The following FHL3 variants were observed in gnomAD, a reference collection of about 807,000 sequenced individuals.
FHL3 encodes the protein four and a half LIM domains 3, also known as four and a half LIM domains protein 3.
FHL3 carries 21 observed loss-of-function variants against 34.3 expected under a neutral mutation model. That is an observed-to-expected ratio of 0.61 (90% confidence interval 0.43 to 0.88). The LOEUF (loss-of-function observed/expected upper bound fraction) is 0.88, where lower values mean the gene tolerates loss of function less well. Among genes scored for constraint, FHL3 ranks in the 40% least tolerant of loss-of-function variants. The pLI, the probability that FHL3 is intolerant of heterozygous loss-of-function variation, is 0.00. For synonymous variants in FHL3, 137 were observed against 144.6 expected (o/e 0.95, Z 0.38); for missense variants, 333 against 373.7 (o/e 0.89, Z 0.90).
At chr1:38,002,260 G>A (rs534807845) in intron 1 of FHL3, among the ~76,000 whole-genome samples, 62 of 151,648 alleles carry the variant, frequency 4.1e-4, no homozygotes, top group Admixed American at 8.6e-4. Flanking sequence ...TACCACGCCC[G>A]GCTAATTTTT....
At chr1:38,000,903 C>T (rs574197691) in intron 1 of FHL3, among the ~76,000 whole-genome samples, 8 of 152,078 alleles carry the variant, frequency 5.3e-5, no homozygotes, top group Non-Finnish European at 1.2e-4. Flanking sequence ...CAAAGGAATC[C>T]ACCAACCCAC....
chr1:37,998,310 C>T (rs1313990565), intron 3 of FHL3, among the ~76,000 whole-genome samples, 178 bp from the exon 4 acceptor site: 29 of 152,144 alleles, frequency 1.9e-4, no homozygotes, highest in Non-Finnish European at 1.5e-5. Context: ...TCCCCAGACA[C>T]CGGACATGAT....
At chr1:38,004,609 A>AT (rs1419000864) in intron 1 of FHL3, among the ~76,000 whole-genome samples, 2 of 152,154 alleles carry the variant, frequency 1.3e-5, no homozygotes, top group Non-Finnish European at 2.9e-5. Context: ...CAGGGGGCCC[A>AT]TGCCTCTGTG....
intron 1 of FHL3, among the ~76,000 whole-genome samples, chr1:38,003,030 C>A (rs773702818): frequency 6.6e-6 from 1 of 151,824 alleles, no homozygotes; most frequent in Non-Finnish European, 1.5e-5. Flanking sequence ...TGGTGGCGGG[C>A]GCCTGTAAGC....
intron 1 of FHL3, among the ~76,000 whole-genome samples, chr1:38,002,930 G>A (rs544486813): frequency 2.0e-5 from 3 of 151,908 alleles, no homozygotes; most frequent in South Asian, 4.1e-4. Flanking sequence ...GGTTAAGGCC[G>A]GTGGATCACC....
chr1:38,002,626 C>T (rs368996938), intron 1 of FHL3, among the ~76,000 whole-genome samples: 37 of 149,714 alleles, frequency 2.5e-4, no homozygotes, highest in African/African-American at 8.6e-4. Context: ...CTGCAATCTC[C>T]ACCTCCCAGG....
intron 1 of FHL3, among the ~76,000 whole-genome samples, chr1:38,002,853 G>A (rs568579569): frequency 1.7e-4 from 26 of 150,750 alleles, no homozygotes; most frequent in African/African-American, 5.1e-4. Flanking sequence ...CATGGCTCAC[G>A]GCAGCCTCGA....
At chr1:38,000,654 C>T (rs974128604) in intron 1 of FHL3, among the ~76,000 whole-genome samples, 2 of 152,178 alleles carry the variant, frequency 1.3e-5, no homozygotes, top group Admixed American at 6.5e-5. Flanking sequence ...CACACAGCTG[C>T]CTCTGGAACA....
intron 3 of FHL3, among the ~76,000 whole-genome samples, chr1:37,998,416 A>G (rs1646557735): frequency 6.6e-6 from 1 of 152,180 alleles, no homozygotes; most frequent in African/African-American, 2.4e-5. Context: ...TGTAACAGTC[A>G]TGAAGTCTCA....
chr1:38,001,849 T>C (rs781083723), intron 1 of FHL3, among the ~76,000 whole-genome samples: 26 of 152,240 alleles, frequency 1.7e-4, no homozygotes, highest in Non-Finnish European at 3.8e-4. Context: ...TCCTGGCTCC[T>C]GCACTTACTG....
At chr1:37,998,637 C>T (rs373358090) in intron 3 of FHL3, 19 of 316,150 alleles carry the variant, frequency 6.0e-5, no homozygotes, top group African/African-American at 4.0e-4. Context: ...CAGGTCCCCA[C>T]ACATGTTAAG....
chr1:37,999,296 G>A lies in FHL3; in HGVS notation c.117C>T (p.Thr39=), dbSNP rs1267718346. 1.2e-6 allele frequency: 2 copies of A among 1,614,124 alleles called. No homozygotes were observed. Among genetic ancestry groups the A allele is most frequent in the Non-Finnish European group, 1.7e-6 (2 of 1,180,060 alleles). Residue 39 remains threonine (T), a synonymous_variant, in exon 2 of 6, where the codon ACC becomes ACT. Coordinates refer to ENST00000373016, the MANE Select transcript of FHL3 (RefSeq NM_004468.5). ...CGATAAGCTGCTGGCACTCAGCACAGGTGTTGGCAAAGGTATTGTCATAGC... is the reference window on the plus strand; with the variant it reads ...CGATAAGCTGCTGGCACTCAGCACAAGTGTTGGCAAAGGTATTGTCATAGC... ...VPCYDNTFAN[T]CAECQQLIGH... is the part of the protein sequence containing the mutation.
chr1:38,003,613 T>C lies in FHL3; in HGVS notation c.-21+1744A>G, dbSNP rs143275244. 5.3e-4 allele frequency among the ~76,000 whole-genome samples: 80 copies of C among 152,324 alleles called. 1 individual carries two copies. The highest frequency in any genetic ancestry group is 1.2e-3 in the Admixed American group (19 of 15,304). The stretch of plus-strand genomic sequence containing the variant: ...GCTGCTTTGCCACTCACAAAGTCCA[T>C]GCCCACCACAATCTCATCAGATCTC... On this transcript the variant is annotated intron_variant, in intron 1 of 5. Coordinates refer to ENST00000373016, the MANE Select transcript of FHL3 (RefSeq NM_004468.5).
chr1:37,998,103 T>C lies in FHL3; in HGVS notation c.361A>G (p.Thr121Ala), dbSNP rs1240970046. 1 of 1,614,084 alleles carries C rather than the reference T, an allele frequency of 6.2e-7. No homozygotes were observed. The highest frequency in any genetic ancestry group is 1.7e-5 in the Admixed American group (1 of 60,008). The change falls in exon 4 of 6, where the codon ACA becomes GCA. Residue 121 changes from threonine to alanine, a missense_variant. By Grantham distance (58) the Thr-to-Ala change is moderately conservative (BLOSUM62 0). Coordinates refer to ENST00000373016, the MANE Select transcript of FHL3 (RefSeq NM_004468.5). ...CACAGGAAGCAGTGCTCATGCCATG[T>C]CTGGCCTCCATATTCCAGCTTCCGG... ...GSRKLEYGGQ[T>A]WHEHCFLCSG...
chr1:38,004,636 C>G (rs1646625741), intron 1 of FHL3, among the ~76,000 whole-genome samples: 1 of 152,178 alleles, frequency 6.6e-6, no homozygotes, highest in Non-Finnish European at 1.5e-5. Context: ...AAGTCTTGGT[C>G]TCTTCTTGTC....
At chr1:37,998,916 A>G (rs748851763) in intron 3 of FHL3, 58 bp downstream of exon 3, 123 of 1,556,088 alleles carry the variant, frequency 7.9e-5, no homozygotes, top group Non-Finnish European at 1.1e-4. Flanking sequence ...AGACAGACAC[A>G]TGCAAAGACC....
Position 37,999,097 on chromosome 1 carries a change from G to A in FHL3, c.208C>T (p.Arg70Cys), listed in dbSNP as rs1646566473. ...HFHEGCFRCC[R>C]CQRSLADEPF... ...TCATCGGCTAGTGAGCGCTGGCAGC[G>A]GCAGCAGCGGAAGCAGCCCTCGTGG... Residue 70 changes from arginine to cysteine, a missense_variant, in exon 3 of 6, where the codon CGC becomes TGC. Arg to Cys is a radical substitution (Grantham distance 180, BLOSUM62 -3). Transcript: ENST00000373016. 1 of 1,614,168 alleles carries A rather than the reference G, an allele frequency of 6.2e-7. No homozygotes were observed. Among genetic ancestry groups the A allele is most frequent in the Non-Finnish European group, 8.5e-7 (1 of 1,180,046 alleles).
Position 37,997,712 on chromosome 1 carries a change from C to G in FHL3, c.660G>C (p.Lys220Asn). Residue 220 changes from lysine (K) to asparagine (N), a missense_variant, in exon 5 of 6, where the codon AAG (lysine) becomes AAC (asparagine). Physicochemically the swap from Lys to Asn is moderately conservative, Grantham distance 94. Transcript: ENST00000373016. This position sits in a 1 kb window ranked among gnomAD's most constrained non-coding sequence, Gnocchi z 4.3. ...CGATGGGGCGCTTGCAGCTGCTGCA[C>G]TTAGGTGCAAAGAGTTCTCCAAAAC... ...VACFGELFAP[K>N]CSSCKRPIVG... 2 of 1,614,124 alleles carry G rather than the reference C, an allele frequency of 1.2e-6. No individual in the cohort carries two copies. Among genetic ancestry groups the G allele is most frequent in the Non-Finnish European group, 1.7e-6 (2 of 1,180,012 alleles).
intron 1 of FHL3, among the ~76,000 whole-genome samples, chr1:38,001,654 T>C (rs1041835167): frequency 1.3e-5 from 2 of 152,202 alleles, no homozygotes; most frequent in Admixed American, 1.3e-4. Context: ...GGAGCCAGCC[T>C]TGTATTCCTT....
Sources: allele counts gnomAD v4.1 joint callset (sites outside exome capture counted in the v4.1 genomes callset), GRCh38; gene constraint gnomAD v4.1.1; non-coding constraint Gnocchi (gnomAD v3.1); transcripts MANE v1.5; gene names NCBI Gene and HGNC (gene_info 2026-07-23, HGNC 2026-07-21).